Variants in CTNNA1 observed in about 807,000 individuals in gnomAD.
CTNNA1 encodes the protein catenin alpha-1.
CTNNA1 carries 37 observed loss-of-function variants against 98.4 expected under a neutral mutation model. The observed-to-expected ratio is 0.38, with a 90% CI of 0.29 to 0.49. The LOEUF is 0.49. Among genes scored for constraint, CTNNA1 ranks in the 20% least tolerant of loss-of-function variants. The pLI, the probability that CTNNA1 is intolerant of heterozygous loss-of-function variation, is 0.95. For missense variants in CTNNA1, 761 were observed against 1,147.2 expected, an observed-to-expected ratio of 0.66 and a Z score of 4.86; for synonymous variants, 404 against 413.2, an observed-to-expected ratio of 0.98 and a Z score of 0.27.
intron 7 of CTNNA1, among the ~76,000 whole-genome samples, chr5:138,843,992 C>G (rs1762487269): frequency 6.6e-6 from 1 of 152,156 alleles, no homozygotes; most frequent in South Asian, 2.1e-4. Flanking sequence ...GCCTATTCAT[C>G]TAGGCATTCC....
intron 7 of CTNNA1, among the ~76,000 whole-genome samples, chr5:138,843,471 C>G (rs899602565): frequency 6.6e-6 from 1 of 152,180 alleles, no homozygotes; most frequent in Non-Finnish European, 1.5e-5. Flanking sequence ...CTTGTTTTAT[C>G]CCACTCAGTC....
At chr5:138,828,987 G>T (rs1760994784) in intron 7 of CTNNA1, among the ~76,000 whole-genome samples, 1 of 152,114 alleles carries the variant, frequency 6.6e-6, no homozygotes, top group Non-Finnish European at 1.5e-5. Flanking sequence ...AACTGGGCAT[G>T]GTGGCGCACG....
intron 1 of CTNNA1, among the ~76,000 whole-genome samples, chr5:138,770,674 C>G (rs376046081): frequency 6.6e-6 from 1 of 152,100 alleles, no homozygotes; most frequent in South Asian, 2.1e-4. Flanking sequence ...AAGACCTCGC[C>G]GGGCGCGGTG....
chr5:138,893,805 G>T (rs1756059793), intron 9 of CTNNA1, among the ~76,000 whole-genome samples: 1 of 151,994 alleles, frequency 6.6e-6, no homozygotes, highest in Admixed American at 6.6e-5. Context: ...TGTATTTTTA[G>T]TAGAGATGGG....
At chr5:138,933,174 T>C (rs1305191634) in intron 17 of CTNNA1, among the ~76,000 whole-genome samples, 1 of 152,146 alleles carries the variant, frequency 6.6e-6, no homozygotes, top group Non-Finnish European at 1.5e-5. Context: ...CTTCCTTTTC[T>C]TCCCCCAGAG....
chr5:138,849,055 C>A (rs1762971864), intron 7 of CTNNA1, among the ~76,000 whole-genome samples: 1 of 152,210 alleles, frequency 6.6e-6, no homozygotes, highest in Admixed American at 6.5e-5. Flanking sequence ...TCTGAGTTAT[C>A]TGGCATGGGG....
intron 7 of CTNNA1, among the ~76,000 whole-genome samples, chr5:138,848,631 C>T (rs1762932671): frequency 6.6e-6 from 1 of 152,156 alleles, no homozygotes; most frequent in Admixed American, 6.5e-5. Flanking sequence ...TTATTGCTCT[C>T]CATTTGTCTT....
At chr5:138,794,040 C>T (rs1469114439) in intron 3 of CTNNA1, among the ~76,000 whole-genome samples, 8 of 125,234 alleles carry the variant, frequency 6.4e-5, no homozygotes, top group East Asian at 2.4e-4. Context: ...TTTTTTAAGA[C>T]GGAGTCTTGC....
intron 7 of CTNNA1, among the ~76,000 whole-genome samples, chr5:138,879,911 T>C (rs1752525873): frequency 1.3e-5 from 2 of 152,210 alleles, no homozygotes; most frequent in Admixed American, 6.5e-5. Context: ...TTTGGATACA[T>C]GTGCACTCCG....
At chr5:138,776,790 CAGGCGGG>C in intron 1 of CTNNA1, among the ~76,000 whole-genome samples, 1 of 148,228 alleles carries the variant, frequency 6.7e-6, no homozygotes, top group East Asian at 2.1e-4. Context: ...GGCGGCTGGC[CAGGCGGG>C]GGGCTGACCC....
intron 3 of CTNNA1, among the ~76,000 whole-genome samples, chr5:138,791,284 T>C (rs1178318339): frequency 6.6e-6 from 1 of 152,098 alleles, no homozygotes; most frequent in Non-Finnish European, 1.5e-5. Context: ...GTCAGTGTTG[T>C]TAAGTACTAA....
rs371502167 is a variant in CTNNA1 at position 138,874,016 on chromosome 5, C to T, written c.1063-12196C>T. The T allele has an allele frequency of 4.2e-5, 67 of 1,613,910 alleles. No individual in the cohort carries two copies. The highest frequency in any genetic ancestry group is 5.5e-5 in the Non-Finnish European group (65 of 1,179,904). The stretch of plus-strand genomic sequence containing the variant: ...TGTGCTCAAATCCAGAAACTCCAGA[C>T]TACGACAGTCCCAGAACAGGCGTAC... On this transcript the variant is annotated intron_variant, in intron 7 of 17. Transcript: ENST00000302763. The surrounding 1 kb of genome is among the most constrained non-coding windows in gnomAD (Gnocchi z 4.1).
intron 7 of CTNNA1, among the ~76,000 whole-genome samples, chr5:138,863,434 CAG>C (rs1412220272): frequency 6.6e-6 from 1 of 152,034 alleles, no homozygotes; most frequent in African/African-American, 2.4e-5. Flanking sequence ...TTTGTAGAGA[CAG>C]AGTTTTGCCA....
At chr5:138,813,297 C>G (rs1430218429) in intron 5 of CTNNA1, among the ~76,000 whole-genome samples, 1 of 152,202 alleles carries the variant, frequency 6.6e-6, no homozygotes, top group Non-Finnish European at 1.5e-5. Context: ...ACAAAAAGGA[C>G]TGTTCCTTCC....
intron 3 of CTNNA1, among the ~76,000 whole-genome samples, chr5:138,802,652 G>C (rs916533224): frequency 8.5e-5 from 13 of 152,168 alleles, no homozygotes; most frequent in African/African-American, 2.4e-4. Flanking sequence ...TTACAGTCCT[G>C]TGCTACTGTG....
intron 3 of CTNNA1, among the ~76,000 whole-genome samples, chr5:138,809,308 G>T (rs1007415305): frequency 2.0e-5 from 3 of 152,130 alleles, no homozygotes; most frequent in Non-Finnish European, 1.5e-5. Flanking sequence ...TAAAGAGGCC[G>T]TGTGTAACCC....
intron 10 of CTNNA1, among the ~76,000 whole-genome samples, chr5:138,913,078 G>A (rs1223926403): frequency 4.0e-5 from 6 of 149,862 alleles, no homozygotes; most frequent in Non-Finnish European, 7.4e-5. Flanking sequence ...TTTAACTTTC[G>A]TTCAGTTTTT....
intron 13 of CTNNA1, among the ~76,000 whole-genome samples, chr5:138,927,682 G>C (rs1193194585): frequency 6.7e-6 from 1 of 149,170 alleles, no homozygotes; most frequent in African/African-American, 2.5e-5. Flanking sequence ...TGTATCTTTA[G>C]GGCCCAGAAC....
chr5:138,759,628 C>T (rs1752091209), intron 1 of CTNNA1, among the ~76,000 whole-genome samples: 1 of 152,068 alleles, frequency 6.6e-6, no homozygotes. Flanking sequence ...TTATAAGCAG[C>T]AATCAGCAAT....
Sources: gnomAD v4.1 joint callset for allele counts (sites outside exome capture counted in the v4.1 genomes callset) on GRCh38, gnomAD v4.1.1 for gene constraint, Gnocchi (gnomAD v3.1) non-coding constraint, MANE v1.5 for transcripts, NCBI Gene and HGNC (gene_info 2026-07-23, HGNC 2026-07-21) for gene names.